TFPI: variants seen among roughly 807,000 people sequenced by gnomAD.
The protein encoded by TFPI is tissue factor pathway inhibitor.
In TFPI, 15 loss-of-function variants were observed where a neutral mutation model predicts 34.6. That is an observed-to-expected ratio of 0.43 (90% CI 0.29 to 0.67). The LOEUF (loss-of-function observed/expected upper bound fraction) is 0.67. TFPI is among the 30% of genes least tolerant of loss of function. The probability of loss-of-function intolerance (pLI) is 0.15; values close to 1 mark genes in which losing one functional copy is unlikely to be tolerated. For synonymous variants in TFPI, 105 were observed against 120.1 expected (o/e 0.87, Z 0.82); for missense variants, 301 against 364.0 (o/e 0.83, Z 1.41).
intron 1 of TFPI, among the ~76,000 whole-genome samples, chr2:187,504,466 G>A (rs1437646736): frequency 6.6e-6 from 1 of 151,102 alleles, no homozygotes; most frequent in African/African-American, 2.4e-5. Context: ...GTGACTCTAA[G>A]TGATAAGCCA....
At chr2:187,534,536 A>G (rs974397113) in intron 1 of TFPI, among the ~76,000 whole-genome samples, 5 of 152,222 alleles carry the variant, frequency 3.3e-5, no homozygotes, top group African/African-American at 1.2e-4. Context: ...TTTTGTCACC[A>G]CCAAGCTTGC....
chr2:187,539,768 G>A (rs1326234316), intron 1 of TFPI, among the ~76,000 whole-genome samples: 1 of 152,146 alleles, frequency 6.6e-6, no homozygotes, highest in Non-Finnish European at 1.5e-5. Context: ...TGGAGGAGAG[G>A]AGGGATTGTT....
At position 187,502,202 on chromosome 2, in the gene TFPI, T is replaced by A. The variant is rs181463686; in HGVS notation, c.121+1446A>T. Among the ~76,000 whole-genome samples, 599 of 152,314 alleles carry A rather than the reference T, an allele frequency of 3.9e-3. 2 individuals carry two copies. Among genetic ancestry groups the A allele is most frequent in the African/African-American group, 0.014 (565 of 41,582 alleles). The stretch of plus-strand genomic sequence containing the variant: ...AGGTTTGGAAGCTACCTTATAGTAA[T>A]TTTAAATTCTGGCTTAATTACTGAT... On this transcript the variant is annotated intron_variant, in intron 2 of 7. Coordinates refer to ENST00000233156, the MANE Select transcript of TFPI (RefSeq NM_006287.6).
chr2:187,505,764 A>G (rs925800050), intron 1 of TFPI, among the ~76,000 whole-genome samples: 3 of 152,102 alleles, frequency 2.0e-5, no homozygotes, highest in East Asian at 3.9e-4. Context: ...ACCATCATAG[A>G]TTTGGTGGAC....
At chr2:187,479,779 T>C (rs1692702118) in intron 6 of TFPI, among the ~76,000 whole-genome samples, 1 of 151,104 alleles carries the variant, frequency 6.6e-6, no homozygotes, top group Non-Finnish European at 1.5e-5. Context: ...AATCTAACCA[T>C]GAAGGATTGA....
intron 1 of TFPI, among the ~76,000 whole-genome samples, chr2:187,522,047 G>A (rs921059977): frequency 6.6e-6 from 1 of 152,080 alleles, no homozygotes; most frequent in Non-Finnish European, 1.5e-5. Context: ...AGAAAAATGT[G>A]TTTAACTCCT....
chr2:187,500,823 A>G (rs1685799706), intron 2 of TFPI, among the ~76,000 whole-genome samples: 2 of 152,176 alleles, frequency 1.3e-5, no homozygotes, highest in Non-Finnish European at 2.9e-5. Flanking sequence ...CACTTCACCC[A>G]AAAGGGATGG....
chr2:187,539,520 C>T (rs1323423663), intron 1 of TFPI, among the ~76,000 whole-genome samples: 2 of 152,094 alleles, frequency 1.3e-5, no homozygotes, highest in Admixed American at 6.5e-5. Flanking sequence ...TTTGTGTTTA[C>T]GAGTGAAGAT....
chr2:187,531,861 A>T (rs978757450), intron 1 of TFPI, among the ~76,000 whole-genome samples: 1 of 152,144 alleles, frequency 6.6e-6, no homozygotes, highest in Non-Finnish European at 1.5e-5. Context: ...ACACTTAAAT[A>T]CTTTCTTCCA....
chr2:187,479,356 GTCTC>G (rs901165649), intron 6 of TFPI, among the ~76,000 whole-genome samples: 5 of 150,476 alleles, frequency 3.3e-5, no homozygotes, highest in Non-Finnish European at 4.4e-5. Flanking sequence ...GTTCCTTTTT[GTCTC>G]TCTCTCTCTA....
intron 1 of TFPI, among the ~76,000 whole-genome samples, chr2:187,530,139 T>C (rs1687887975): frequency 6.6e-6 from 1 of 152,146 alleles, no homozygotes; most frequent in South Asian, 2.1e-4. Flanking sequence ...TCGAATTCCT[T>C]CTCTACCCTT....
intron 6 of TFPI, among the ~76,000 whole-genome samples, chr2:187,480,516 A>T (rs901542090): frequency 2.0e-5 from 3 of 152,152 alleles, no homozygotes; most frequent in African/African-American, 7.2e-5. Context: ...AAGAGTTGGG[A>T]ATTTAACGCA....
At chr2:187,467,072 G>A in intron 7 of TFPI, 30 bp from the exon 8 acceptor site, 1 of 1,336,920 alleles carries the variant, frequency 7.5e-7, no homozygotes, top group Non-Finnish European at 1.0e-6. Flanking sequence ...AAATTAATGT[G>A]TGATAAAATA....
intron 6 of TFPI, among the ~76,000 whole-genome samples, chr2:187,471,470 T>A (rs974228533): frequency 1.3e-5 from 2 of 152,068 alleles, no homozygotes; most frequent in African/African-American, 4.8e-5. Context: ...GAAATGTAAT[T>A]TTTTTAGTTG....
At chr2:187,544,062 A>G (rs1040434239) in intron 1 of TFPI, among the ~76,000 whole-genome samples, 3 of 152,244 alleles carry the variant, frequency 2.0e-5, no homozygotes, top group Non-Finnish European at 2.9e-5. Flanking sequence ...TAATAAATTT[A>G]AGCTAATTAT....
intron 1 of TFPI, among the ~76,000 whole-genome samples, chr2:187,532,103 C>G (rs1345124222): frequency 6.6e-6 from 1 of 152,142 alleles, no homozygotes; most frequent in Non-Finnish European, 1.5e-5. Flanking sequence ...GAATAACCAT[C>G]AATCTGCCTA....
intron 1 of TFPI, among the ~76,000 whole-genome samples, chr2:187,522,063 C>T (rs115641298): frequency 0.034 from 5,125 of 152,076 alleles, 124 homozygotes; most frequent in Non-Finnish European, 0.051. Flanking sequence ...CTCCTTTGCC[C>T]ATTTTTTAAA....
intron 1 of TFPI, among the ~76,000 whole-genome samples, chr2:187,544,202 G>C (rs1574535698): frequency 6.6e-6 from 1 of 152,112 alleles, no homozygotes; most frequent in African/African-American, 2.4e-5. Context: ...AGGATGCTTA[G>C]GGGATGAGAG....
At chr2:187,531,469 CAG>C (rs1687952282) in intron 1 of TFPI, among the ~76,000 whole-genome samples, 1 of 151,954 alleles carries the variant, frequency 6.6e-6, no homozygotes, top group Non-Finnish European at 1.5e-5. Flanking sequence ...GTGTCAATAA[CAG>C]AAAAATATTC....
Sources: allele counts gnomAD v4.1 joint callset (sites outside exome capture counted in the v4.1 genomes callset), GRCh38; gene constraint gnomAD v4.1.1; transcripts MANE v1.5; gene names NCBI Gene and HGNC (gene_info 2026-07-23, HGNC 2026-07-21).